EPSTI1: variants seen among roughly 807,000 people sequenced by gnomAD.
EPSTI1 encodes epithelial-stromal interaction protein 1.
A neutral mutation model predicts 49.9 loss-of-function variants in EPSTI1; 66 were observed. The observed-to-expected ratio is 1.32, with a 90% CI of 1.08 to 1.62. EPSTI1 has a LOEUF of 1.62. Among genes scored for constraint, EPSTI1 ranks in the 40% most tolerant of loss-of-function variants. EPSTI1 has a pLI of 0.00. For synonymous variants in EPSTI1, 137 were observed against 130.7 expected (o/e 1.05, Z -0.33); for missense variants, 394 against 365.5 (o/e 1.08, Z -0.64).
At chr13:42,975,108 G>A (rs559492068) in intron 1 of EPSTI1, among the ~76,000 whole-genome samples, 1 of 152,226 alleles carries the variant, frequency 6.6e-6, no homozygotes, top group East Asian at 1.9e-4. Context: ...TATCTTTCCA[G>A]ATAAGACATT....
At chr13:42,889,428 C>T (rs1384763787) in intron 10 of EPSTI1, among the ~76,000 whole-genome samples, 1 of 152,032 alleles carries the variant, frequency 6.6e-6, no homozygotes, top group Non-Finnish European at 1.5e-5. Context: ...TTCAAGAAAC[C>T]ACTGCTTCTT....
intron 7 of EPSTI1, among the ~76,000 whole-genome samples, chr13:42,918,732 C>A (rs893509383): frequency 6.6e-6 from 1 of 152,170 alleles, no homozygotes; most frequent in Non-Finnish European, 1.5e-5. Context: ...TTATCCAAAC[C>A]CTGCTGCATT....
chr13:42,968,953 CAAT>C (rs1458119382), intron 3 of EPSTI1, 138 bp downstream of exon 3: 6 of 605,654 alleles, frequency 9.9e-6, no homozygotes, highest in South Asian at 9.1e-5. Context: ...CACACACACA[CAAT>C]TAAATGCATT....
At chr13:42,899,712 A>G (rs900462403) in intron 9 of EPSTI1, among the ~76,000 whole-genome samples, 1 of 152,190 alleles carries the variant, frequency 6.6e-6, no homozygotes, top group Admixed American at 6.5e-5. Flanking sequence ...ATCTTAGCAT[A>G]ATAATGGCAT....
intron 9 of EPSTI1, among the ~76,000 whole-genome samples, chr13:42,899,050 T>C (rs2037276518): frequency 1.3e-5 from 2 of 151,552 alleles, no homozygotes; most frequent in Admixed American, 1.3e-4. Flanking sequence ...ATACAAAAAT[T>C]AGCTGGGCAT....
Position 42,900,395 on chromosome 13 carries a change from A to T in EPSTI1, c.742-12T>A. The T allele has an allele frequency of 6.2e-7, 1 of 1,612,940 alleles. No individual in the cohort carries two copies. On this transcript the variant is annotated splice_polypyrimidine_tract_variant and intron_variant, in intron 8 of 10. Coordinates refer to ENST00000313624, the MANE Select transcript of EPSTI1 (RefSeq NM_033255.5). ...TCCAGTAATTCACTCTAGGAACAAT[A>T]AAAGTTTTAAAATATGGTTTTCAAT...
rs369828710 is a variant in EPSTI1 at position 42,888,205 on chromosome 13, C to A, written c.*289G>T. ...ATTAACCTGAAAGCATCAAGTGACT[C>A]CCTCTTTTTCTACCCTACCAACATC... is the stretch of plus-strand genomic sequence containing the variant. On this transcript the variant is annotated 3_prime_UTR_variant, in exon 11 of 11. Transcript: ENST00000313624. The A allele has an allele frequency of 5.0e-6, 8 of 1,600,184 alleles. No homozygotes were observed. Among genetic ancestry groups the A allele is most frequent in the Non-Finnish European group, 6.0e-6 (7 of 1,171,412 alleles).
intron 6 of EPSTI1, among the ~76,000 whole-genome samples, chr13:42,933,692 AGCCTCCTGAAGGAACCAT>A (rs542085928): frequency 1.2e-4 from 18 of 152,334 alleles, no homozygotes; most frequent in African/African-American, 4.3e-4. Flanking sequence ...TGCCAGACCC[AGCCTCCTGAAGGAACCAT>A]GTCCTGCAGC....
At chr13:42,980,972 A>G (rs979868382) in intron 1 of EPSTI1, among the ~76,000 whole-genome samples, 4 of 152,232 alleles carry the variant, frequency 2.6e-5, no homozygotes, top group African/African-American at 7.2e-5. Flanking sequence ...TTCTTACAAG[A>G]TTAGGTAGCA....
intron 5 of EPSTI1, among the ~76,000 whole-genome samples, chr13:42,960,269 G>C (rs2039407580): frequency 6.6e-6 from 1 of 152,130 alleles, no homozygotes; most frequent in African/African-American, 2.4e-5. Flanking sequence ...TTAGGTTTGT[G>C]GGTATTATGA....
At chr13:42,889,031 C>T (rs547186433) in intron 10 of EPSTI1, among the ~76,000 whole-genome samples, 2 of 152,164 alleles carry the variant, frequency 1.3e-5, no homozygotes, top group South Asian at 2.1e-4. Flanking sequence ...ATGGAATACA[C>T]ACCATTGCTG....
At position 42,992,034 on chromosome 13, in the gene EPSTI1, C is replaced by G. The variant is rs1437364827; in HGVS notation, c.132G>C (p.Leu44Phe). The change falls in exon 1 of 11, where the codon TTG becomes TTC. Residue 44 changes from leucine (L) to phenylalanine (F), a missense_variant. Leu to Phe is a conservative substitution (Grantham distance 22, BLOSUM62 0). Coordinates refer to ENST00000313624, the MANE Select transcript of EPSTI1 (RefSeq NM_033255.5). ...GCGAAGGGCCCTTAGGGGCTGCCTC[C>G]AAACCCTCTCTCTGGTCTTCCACGG... is the stretch of plus-strand genomic sequence containing the variant. Reference protein sequence around the residue: ...LSPVEDQREGLEAAPKGPSRE... With the variant: ...LSPVEDQREGFEAAPKGPSRE... 2 of 1,613,424 alleles carry G rather than the reference C, an allele frequency of 1.2e-6. No homozygotes were observed. The highest frequency in any genetic ancestry group is 3.3e-5 in the Admixed American group (2 of 60,012).
intron 5 of EPSTI1, 47 bp from the exon 6 acceptor site, chr13:42,954,068 C>A: frequency 6.5e-7 from 1 of 1,529,654 alleles, no homozygotes; most frequent in Non-Finnish European, 8.9e-7. Flanking sequence ...ATGCTTTAAG[C>A]AGAGTCATGA....
At chr13:42,988,560 G>A (rs113333074) in intron 1 of EPSTI1, among the ~76,000 whole-genome samples, 1 of 152,048 alleles carries the variant, frequency 6.6e-6, no homozygotes. Flanking sequence ...GCGAAACCCC[G>A]TCTCTACTAA....
At chr13:42,925,662 ACT>A (rs1408963769) in intron 7 of EPSTI1, among the ~76,000 whole-genome samples, 1 of 151,018 alleles carries the variant, frequency 6.6e-6, no homozygotes, top group Non-Finnish European at 1.5e-5. Context: ...CAGCTACATA[ACT>A]CTTCTTCCGC....
intron 8 of EPSTI1, among the ~76,000 whole-genome samples, chr13:42,907,678 A>G (rs982396969): frequency 4.6e-5 from 7 of 152,190 alleles, no homozygotes; most frequent in African/African-American, 1.7e-4. Flanking sequence ...CTAAAGTTTA[A>G]ATTTCATTAT....
chr13:42,905,531 A>G (rs2037475357), intron 8 of EPSTI1, among the ~76,000 whole-genome samples: 1 of 152,230 alleles, frequency 6.6e-6, no homozygotes. Context: ...TCTAGAGTTA[A>G]GCAAATAAAA....
rs1273672246 is a variant in EPSTI1, at chr13:42,970,657, T to G, written c.202A>C (p.Thr68Pro). The change falls in exon 2 of 11, where the codon ACC becomes CCC. Residue 68 changes from threonine to proline, a missense_variant. Thr to Pro is a conservative substitution (Grantham distance 38, BLOSUM62 -1). Transcript: ENST00000313624. ...CGGTTTATATTTGGTGCTATCAAGG[T>G]GTATGCACTTGTGCTAAAAGGAAGA... is the stretch of plus-strand genomic sequence containing the variant. Reference protein sequence around the residue: ...HAGQRRTSAYTLIAPNINRRN... With the variant: ...HAGQRRTSAYPLIAPNINRRN... 1 of 1,608,040 alleles carries G rather than the reference T, an allele frequency of 6.2e-7. No homozygotes were observed.
At chr13:42,920,034 C>G (rs1292232735) in intron 7 of EPSTI1, among the ~76,000 whole-genome samples, 1 of 152,190 alleles carries the variant, frequency 6.6e-6, no homozygotes, top group Non-Finnish European at 1.5e-5. Flanking sequence ...CACATCATCT[C>G]CCTTGTATGC....
Sources: gnomAD v4.1 joint callset for allele counts (sites outside exome capture counted in the v4.1 genomes callset) on GRCh38, gnomAD v4.1.1 for gene constraint, MANE v1.5 for transcripts, NCBI Gene and HGNC (gene_info 2026-07-23, HGNC 2026-07-21) for gene names.